The following DIAPH3 variants were observed in gnomAD, a reference collection of about 807,000 sequenced individuals.
The protein encoded by DIAPH3 is diaphanous related formin 3.
DIAPH3 carries 117 observed loss-of-function variants against 144.3 expected under a neutral mutation model. The ratio of observed to expected loss-of-function variants is 0.81; its 90% confidence interval spans 0.70 to 0.95. The LOEUF is 0.95. DIAPH3 is among the 40% of genes least tolerant of loss of function. DIAPH3 has a pLI of 0.00. For missense variants in DIAPH3, 1,421 were observed against 1,412.7 expected (o/e 1.01, Z -0.09); for synonymous variants, 519 against 488.9 (o/e 1.06, Z -0.81).
At chr13:60,132,925 C>T (rs1264092934) in intron 2 of DIAPH3, 32 bp downstream of exon 2, 1 of 1,582,334 alleles carries the variant, frequency 6.3e-7, no homozygotes, top group Admixed American at 1.7e-5. Context: ...AGTTACAATT[C>T]ATAACAAAGG....
At chr13:59,992,237 CA>C in intron 10 of DIAPH3, 51 bp from the exon 11 acceptor site, 2 of 1,437,656 alleles carry the variant, frequency 1.4e-6, no homozygotes, top group Non-Finnish European at 1.9e-6. Context: ...TTTAATTATG[CA>C]AAAGAATAAA....
Position 59,669,933 on chromosome 13 carries a change from G to T in DIAPH3, c.3320-3087C>A, listed in dbSNP as rs555684974. Among the ~76,000 whole-genome samples the T allele has an allele frequency of 7.4e-4, 113 of 152,264 alleles. 2 individuals are homozygous for T. Among genetic ancestry groups the T allele is most frequent in the African/African-American group, 2.6e-3 (107 of 41,536 alleles). On this transcript the variant is annotated intron_variant, in intron 27 of 27. Transcript: ENST00000400324. ...AAGGTCGCTAATGAACATGCATGCT[G>T]CCAAAAACAAGGATTGCATATCTAT...
At chr13:59,876,995 T>C (rs1164064836) in intron 21 of DIAPH3, among the ~76,000 whole-genome samples, 1 of 152,122 alleles carries the variant, frequency 6.6e-6, no homozygotes, top group Non-Finnish European at 1.5e-5. Context: ...TGAATTTGTG[T>C]ACTTCCCTAC....
chr13:60,125,613 G>T (rs930686903), intron 2 of DIAPH3, among the ~76,000 whole-genome samples: 1 of 151,924 alleles, frequency 6.6e-6, no homozygotes, highest in Non-Finnish European at 1.5e-5. Flanking sequence ...TCCCTAGAAG[G>T]TTTCTGCACG....
intron 27 of DIAPH3, among the ~76,000 whole-genome samples, chr13:59,716,340 T>C (rs1043404091): frequency 6.6e-5 from 10 of 152,110 alleles, no homozygotes; most frequent in Non-Finnish European, 1.3e-4. Context: ...CACGCCCGGC[T>C]AATTTTTTGT....
At chr13:60,028,618 C>A (rs935775987) in intron 5 of DIAPH3, among the ~76,000 whole-genome samples, 17 of 152,136 alleles carry the variant, frequency 1.1e-4, no homozygotes, top group African/African-American at 4.1e-4. Flanking sequence ...CTTCTCCATA[C>A]AACCTGCCCA....
intron 5 of DIAPH3, among the ~76,000 whole-genome samples, chr13:60,017,129 C>T (rs568588098): frequency 4.4e-4 from 67 of 152,210 alleles, no homozygotes; most frequent in African/African-American, 1.6e-3. Context: ...TTCGGCCAGG[C>T]GTGGTGGCTC....
intron 27 of DIAPH3, among the ~76,000 whole-genome samples, chr13:59,686,167 C>A (rs1420122655): frequency 1.3e-5 from 2 of 152,044 alleles, no homozygotes; most frequent in Non-Finnish European, 2.9e-5. Flanking sequence ...TTAGTGGAAT[C>A]TGCTATAGGA....
chr13:59,766,486 A>G (rs373603507), intron 27 of DIAPH3, among the ~76,000 whole-genome samples: 1 of 152,086 alleles, frequency 6.6e-6, no homozygotes, highest in East Asian at 1.9e-4. Context: ...ATCAGATGGG[A>G]GCTCAGAATT....
intron 17 of DIAPH3, among the ~76,000 whole-genome samples, chr13:59,947,041 C>T (rs2048836291): frequency 6.6e-6 from 1 of 152,218 alleles, no homozygotes; most frequent in Non-Finnish European, 1.5e-5. Flanking sequence ...TTGCCTCAGT[C>T]TGAACATTCA....
At chr13:59,979,006 A>C (rs1424858658) in intron 14 of DIAPH3, among the ~76,000 whole-genome samples, 4 of 151,668 alleles carry the variant, frequency 2.6e-5, no homozygotes, top group African/African-American at 9.7e-5. Context: ...TTCCTGCCTA[A>C]AGCAAAGTAT....
chr13:59,903,311 G>A (rs995943003), intron 20 of DIAPH3, among the ~76,000 whole-genome samples: 1 of 152,158 alleles, frequency 6.6e-6, no homozygotes, highest in Admixed American at 6.5e-5. Context: ...ATTTAGTCTG[G>A]GAAAGTGTTG....
intron 27 of DIAPH3, among the ~76,000 whole-genome samples, chr13:59,700,536 T>C (rs2034050933): frequency 6.6e-6 from 1 of 152,212 alleles, no homozygotes; most frequent in Non-Finnish European, 1.5e-5. Context: ...GTTTAAGCCA[T>C]GTGAAAATCT....
chr13:60,105,766 T>C (rs1311785487), intron 3 of DIAPH3, among the ~76,000 whole-genome samples: 5 of 152,156 alleles, frequency 3.3e-5, no homozygotes, highest in Admixed American at 2.6e-4. Flanking sequence ...GTTCACGATA[T>C]AGGAAAGTAG....
intron 5 of DIAPH3, among the ~76,000 whole-genome samples, chr13:60,027,736 G>C (rs558418845): frequency 1.3e-5 from 2 of 152,150 alleles, no homozygotes; most frequent in South Asian, 4.2e-4. Context: ...TTAAATATTA[G>C]TACACTAATA....
At chr13:59,838,285 T>C (rs550703022) in intron 23 of DIAPH3, 38 of 152,266 alleles carry the variant, frequency 2.5e-4, no homozygotes, top group African/African-American at 9.1e-4. Flanking sequence ...AATAAAAGTT[T>C]ATTACTTCAG....
intron 1 of DIAPH3, among the ~76,000 whole-genome samples, chr13:60,156,761 G>A (rs895514412): frequency 6.6e-6 from 1 of 151,060 alleles, no homozygotes; most frequent in African/African-American, 2.4e-5. Flanking sequence ...AATTTTCTGA[G>A]CCCTAACAAT....
intron 2 of DIAPH3, among the ~76,000 whole-genome samples, chr13:60,117,947 C>A (rs138681148): frequency 6.6e-6 from 1 of 152,048 alleles, no homozygotes; most frequent in Non-Finnish European, 1.5e-5. Context: ...GCAAGAAACA[C>A]AACCCAGAGA....
chr13:60,150,450 A>G (rs1951730114), intron 1 of DIAPH3, among the ~76,000 whole-genome samples: 1 of 152,200 alleles, frequency 6.6e-6, no homozygotes, highest in African/African-American at 2.4e-5. Flanking sequence ...AGAGCTAGTG[A>G]AAAGTCAGGA....
Sources: gnomAD v4.1 joint callset for allele counts (sites outside exome capture counted in the v4.1 genomes callset) on GRCh38, gnomAD v4.1.1 for gene constraint, MANE v1.5 for transcripts, NCBI Gene and HGNC (gene_info 2026-07-23, HGNC 2026-07-21) for gene names.